MKI67: variants seen among roughly 807,000 people sequenced by gnomAD.
MKI67 encodes the protein proliferation marker protein Ki-67.
In MKI67, 152 loss-of-function variants were observed where a neutral mutation model predicts 233.5. The observed-to-expected ratio is 0.65, with a 90% CI of 0.57 to 0.74. MKI67 has a LOEUF of 0.74. Among genes scored for constraint, MKI67 ranks in the 30% least tolerant of loss-of-function variants. The pLI is 0.00. For missense variants in MKI67, 3,940 were observed against 3,885.2 expected, an observed-to-expected ratio of 1.01 and a Z score of -0.37; for synonymous variants, 1,465 against 1,418.5, an observed-to-expected ratio of 1.03 and a Z score of -0.74.
intron 7 of MKI67, among the ~76,000 whole-genome samples, chr10:128,114,419 A>G (rs1040499067): frequency 3.3e-5 from 5 of 152,224 alleles, no homozygotes; most frequent in Non-Finnish European, 7.3e-5. Context: ...TCAAGTGTTC[A>G]TGTGGCATAT....
chr10:128,098,085 G>A lies in MKI67; in HGVS notation c.*1105C>T, dbSNP rs911335280. On this transcript the variant is annotated 3_prime_UTR_variant, in exon 15 of 15. Transcript: ENST00000368654. ...AGGAATCCAGACAGGTGACCTGGGG[G>A]ATGGCGGGCTATTCTCTGATTTGGG... 6.6e-6 allele frequency: 1 copy of A among 152,274 alleles called. No individual in the cohort carries two copies. Among genetic ancestry groups the A allele is most frequent in the Admixed American group, 6.5e-5 (1 of 15,286 alleles). 9.4% of individuals were successfully genotyped at this position (152,274 alleles called of 1,614,324 possible). A position where few individuals can be genotyped will look rare whatever the true frequency, so the allele number is the denominator to read the frequency against.
At chr10:128,101,159 G>A in intron 14 of MKI67, 99 bp downstream of exon 14, 2 of 1,132,668 alleles carry the variant, frequency 1.8e-6, no homozygotes, top group Non-Finnish European at 2.6e-6. Context: ...GCAGAGTGCT[G>A]TTGAAGATAA....
Position 128,119,270 on chromosome 10 carries a change from T to G in MKI67, c.337A>C (p.Arg113=), listed in dbSNP as rs755958058. ...QNGRKSTEFP[R]KIREQEPARR... ...TCTATCACCTGTTCACGTATTTTTCTTGGAAATTCAGTTGACTTCCTTCCA... is the reference window on the plus strand; with the variant it reads ...TCTATCACCTGTTCACGTATTTTTCGTGGAAATTCAGTTGACTTCCTTCCA... The change falls in exon 5 of 15, where the codon AGA becomes CGA. Residue 113 remains arginine (R), a synonymous_variant. Coordinates refer to ENST00000368654, the MANE Select transcript of MKI67 (RefSeq NM_002417.5). The G allele has an allele frequency of 6.2e-7, 1 of 1,608,620 alleles. No individual in the cohort carries two copies. The highest frequency in any genetic ancestry group is 8.5e-7 in the Non-Finnish European group (1 of 1,175,254).
At position 128,115,100 on chromosome 10, in the gene MKI67, T is replaced by A. The variant is rs1408760546; in HGVS notation, c.1308A>T (p.Glu436Asp). ...IPTDVEVLPT[E>D]TEIHNEPFLT... ...AAAATGGCTCATTGTGAATTTCAGT[T>A]TCCGTAGGCAGAACTTCCACATCTG... Residue 436 changes from glutamate (E) to aspartate (D), a missense_variant, in exon 7 of 15, where the codon GAA (glutamate) becomes GAT (aspartate). Transcript: ENST00000368654. 6.2e-7 allele frequency: 1 copy of A among 1,613,854 alleles called. No homozygotes were observed. Among genetic ancestry groups the A allele is most frequent in the African/African-American group, 1.3e-5 (1 of 74,914 alleles).
At position 128,107,291 on chromosome 10, in the gene MKI67, T is replaced by C; in HGVS notation, c.4549A>G (p.Lys1517Glu). Residue 1517 changes from lysine (K) to glutamate (E), a missense_variant, in exon 13 of 15, where the codon AAA becomes GAA. Transcript: ENST00000368654. ...SKPQSKRSLRKVDVEEEFFAL... is the reference protein window; with the variant it reads ...SKPQSKRSLREVDVEEEFFAL... ...AAGAATTCTTCTTCTACGTCCACTT[T>C]CCTGAGACTTCTCTTGGACTGTGGC... 1 of 1,614,184 alleles carries C rather than the reference T, an allele frequency of 6.2e-7. No homozygotes were observed. Among genetic ancestry groups the C allele is most frequent in the South Asian group, 1.1e-5 (1 of 91,088 alleles).
At position 128,107,092 on chromosome 10, in the gene MKI67, TGGG is replaced by T; in HGVS notation, c.4745_4747del (p.Ala1582_Gln1583delinsGlu). On this transcript the variant is annotated inframe_deletion, in exon 13 of 15. Transcript: ENST00000368654. ...AAAGCCAGCCAGGTCTTCTAGAGCC[TGGG>T]CCTTTTCCTTAGGAGTTTGTAGCCG... The T allele has an allele frequency of 6.2e-7, 1 of 1,614,014 alleles. No individual in the cohort carries two copies.
At chr10:128,117,010 T>C (rs745494243) in intron 5 of MKI67, among the ~76,000 whole-genome samples, 1 of 152,228 alleles carries the variant, frequency 6.6e-6, no homozygotes. Context: ...AGTTGGGAGC[T>C]AGTGGTCAGG....
chr10:128,124,636 A>AC (rs775825546), intron 2 of MKI67, among the ~76,000 whole-genome samples: 24 of 152,302 alleles, frequency 1.6e-4, no homozygotes, highest in Non-Finnish European at 3.4e-4. Flanking sequence ...GTGATTAGTA[A>AC]CAAGACAGTC....
At chr10:128,109,467 C>T in intron 12 of MKI67, 44 bp from the exon 13 acceptor site, 3 of 1,561,394 alleles carry the variant, frequency 1.9e-6, no homozygotes, top group Non-Finnish European at 2.6e-6. Context: ...ATTAGTGTCT[C>T]ATGTCAATCG....
chr10:128,105,980 G>A lies in MKI67; in HGVS notation c.5860C>T (p.Leu1954=). ...PKEKAKALED[L]AGFKELFQTP... ...TGGAAGAGCTCTTTGAAGCCAGCCA[G>A]ATCTTCTAGAGCCTTGGCCTTTTCT... Residue 1954 remains leucine (L), a synonymous_variant, in exon 13 of 15, where the codon CTG becomes TTG. Coordinates refer to ENST00000368654, the MANE Select transcript of MKI67 (RefSeq NM_002417.5). 1 of 1,614,224 alleles carries A rather than the reference G, an allele frequency of 6.2e-7. No homozygotes were observed. The highest frequency in any genetic ancestry group is 2.2e-5 in the East Asian group (1 of 44,888).
chr10:128,120,948 A>G (rs966448790), intron 4 of MKI67, among the ~76,000 whole-genome samples: 1 of 152,226 alleles, frequency 6.6e-6, no homozygotes, highest in African/African-American at 2.4e-5. Flanking sequence ...GTCACCTGAC[A>G]ACAGGTTCCA....
intron 5 of MKI67, among the ~76,000 whole-genome samples, chr10:128,116,832 G>A (rs748663758): frequency 6.6e-6 from 1 of 152,184 alleles, no homozygotes; most frequent in Admixed American, 6.5e-5. Context: ...GCTGGAACCC[G>A]GGAGGCAGAG....
At position 128,108,986 on chromosome 10, in the gene MKI67, T is replaced by C. The variant is rs1255776027; in HGVS notation, c.2854A>G (p.Arg952Gly). ...GGTGCACATTTCTGCCCCCAAGTTC[T>C]TGATCTCTTCATTGCTTTCATCTTT... is the stretch of plus-strand genomic sequence containing the variant. ...DEKMKAMKRS[R>G]TWGQKCAPMS... The change falls in exon 13 of 15, where the codon AGA becomes GGA. Residue 952 changes from arginine (R) to glycine (G), a missense_variant. Transcript: ENST00000368654. 1 of 1,614,252 alleles carries C rather than the reference T, an allele frequency of 6.2e-7. No homozygotes were observed. Among genetic ancestry groups the C allele is most frequent in the Non-Finnish European group, 8.5e-7 (1 of 1,180,044 alleles).
Position 128,104,649 on chromosome 10 carries a change from C to A in MKI67, c.7191G>T (p.Glu2397Asp). 1 of 1,613,702 alleles carries A rather than the reference C, an allele frequency of 6.2e-7. No homozygotes were observed. The highest frequency in any genetic ancestry group is 1.1e-5 in the South Asian group (1 of 91,072). ...MDTPKPAVSD[E>D]KNINTFVETP... ...TTTCCACAAATGTGTTGATATTTTT[C>A]TCATCACTTACTGCTGGTTTTGGTG... Residue 2397 changes from glutamate to aspartate, a missense_variant, in exon 13 of 15, where the codon GAG (glutamate) becomes GAT (aspartate). Coordinates refer to ENST00000368654, the MANE Select transcript of MKI67 (RefSeq NM_002417.5).
At position 128,115,839 on chromosome 10, in the gene MKI67, C is replaced by G. The variant is rs772035152; in HGVS notation, c.569G>C (p.Arg190Pro). ...GGGATCAGCTGCATTTCTGCCATTA[C>G]GTCCAGCATGTTCTGAGGAATGAAC... ...TNVHSSEHAG[R>P]NGRNAADPIS... The change falls in exon 7 of 15, where the codon CGT becomes CCT. Residue 190 changes from arginine (R) to proline (P), a missense_variant. By Grantham distance (103) the Arg-to-Pro change is moderately radical. Transcript: ENST00000368654. 1.2e-6 allele frequency: 2 copies of G among 1,608,912 alleles called. No individual in the cohort carries two copies. The highest frequency in any genetic ancestry group is 1.7e-6 in the Non-Finnish European group (2 of 1,179,996).
In MKI67 at chr10:128,115,631, C is replaced by CTG; in HGVS notation, c.775_776dup (p.Gln259HisfsTer88). On this transcript the variant is annotated frameshift_variant, in exon 7 of 15. Coordinates refer to ENST00000368654, the MANE Select transcript of MKI67 (RefSeq NM_002417.5). LOFTEE classifies it high-confidence loss of function. ...TTTGTAATCCAGATTTTCTACAATA[C>CTG]TGTAGGACATTTTCTTTTTGTGATT... 1.9e-6 allele frequency: 3 copies of CTG among 1,613,900 alleles called. No homozygotes were observed. Among genetic ancestry groups the CTG allele is most frequent in the Non-Finnish European group, 2.5e-6 (3 of 1,179,992 alleles).
chr10:128,106,380 T>C lies in MKI67; in HGVS notation c.5460A>G (p.Gln1820=), dbSNP rs754108789. 10 of 1,613,668 alleles carry C rather than the reference T, an allele frequency of 6.2e-6. No individual in the cohort carries two copies. The Admixed American group carries it at 1.5e-4, about 24-fold the overall frequency. The change falls in exon 13 of 15, where the codon CAA becomes CAG. Residue 1820 remains glutamine (Q), a synonymous_variant. Coordinates refer to ENST00000368654, the MANE Select transcript of MKI67 (RefSeq NM_002417.5). The stretch of plus-strand genomic sequence containing the variant: ...GAGCCTGGGCCTTTTCCTTACGAGT[T>C]TGTAGCCGTCTATTGCTGCCAGGTA... The part of the protein sequence containing the change: ...GNLPGSNRRL[Q]TRKEKAQALE...
At position 128,107,903 on chromosome 10, in the gene MKI67, C is replaced by A; in HGVS notation, c.3937G>T (p.Val1313Leu). ...VGEEKDIIIFVGTPVQKLDLT... is the reference protein window; with the variant it reads ...VGEEKDIIIFLGTPVQKLDLT... ...TCCAGTTTCTGCACTGGAGTTCCCA[C>A]AAATATGATGATGTCTTTCTCTTCA... Residue 1313 changes from valine (V) to leucine (L), a missense_variant, in exon 13 of 15, where the codon GTG becomes TTG. Val to Leu is a conservative substitution (Grantham distance 32). Transcript: ENST00000368654. 1.2e-6 allele frequency: 2 copies of A among 1,609,834 alleles called. No individual in the cohort carries two copies. Among genetic ancestry groups the A allele is most frequent in the Non-Finnish European group, 1.7e-6 (2 of 1,178,756 alleles).
chr10:128,108,502 C>G lies in MKI67; in HGVS notation c.3338G>C (p.Gly1113Ala). The G allele has an allele frequency of 6.2e-7, 1 of 1,613,934 alleles. No individual in the cohort carries two copies. Among genetic ancestry groups the G allele is most frequent in the Non-Finnish European group, 8.5e-7 (1 of 1,180,000 alleles). Residue 1113 changes from glycine (G) to alanine (A), a missense_variant, in exon 13 of 15, where the codon GGT becomes GCT. Coordinates refer to ENST00000368654, the MANE Select transcript of MKI67 (RefSeq NM_002417.5). ...ATCAGTCATTGATTCCTCAGAGGGACCTGGTGTCTGGAAGAGCTCTTTGAA... is the reference window on the plus strand; with the variant it reads ...ATCAGTCATTGATTCCTCAGAGGGAGCTGGTGTCTGGAAGAGCTCTTTGAA... ...AGFKELFQTPGPSEESMTDEK... is the reference protein window; with the variant it reads ...AGFKELFQTPAPSEESMTDEK...
Sources: gnomAD v4.1 joint callset for allele counts (sites outside exome capture counted in the v4.1 genomes callset) on GRCh38, gnomAD v4.1.1 for gene constraint, MANE v1.5 for transcripts, NCBI Gene and HGNC (gene_info 2026-07-23, HGNC 2026-07-21) for gene names.